The following CIT variants were observed in gnomAD, a reference collection of about 807,000 sequenced individuals.
CIT encodes citron Rho-interacting kinase.
In CIT, 79 loss-of-function variants were observed where a neutral mutation model predicts 272.7. The ratio of observed to expected loss-of-function variants is 0.29; its 90% CI spans 0.24 to 0.35. The LOEUF (loss-of-function observed/expected upper bound fraction) is 0.35. Among genes scored for constraint, CIT ranks in the 10% least tolerant of loss-of-function variants. The pLI is 1.00. For synonymous variants in CIT, 948 were observed against 995.6 expected (o/e 0.95, Z 0.90); for missense variants, 1,909 against 2,618.3 (o/e 0.73, Z 5.91).
chr12:119,737,930 A>T (rs1447340517), intron 24 of CIT, among the ~76,000 whole-genome samples: 1 of 152,218 alleles, frequency 6.6e-6, no homozygotes. Context: ...CACATACGTT[A>T]CTGAGTTTAC....
Position 119,698,938 on chromosome 12 carries a change from T to C in CIT, c.5624-884A>G, listed in dbSNP as rs745699928. Reference sequence around the variant, plus strand: ...CCTTTTAAAACTGATTGTAAACATCTTCAAAGAATTCAATTTTTAAAAAGA... The same window carrying C: ...CCTTTTAAAACTGATTGTAAACATCCTCAAAGAATTCAATTTTTAAAAAGA... On this transcript the variant is annotated intron_variant, in intron 44 of 47. Transcript: ENST00000392521. Among the ~76,000 whole-genome samples the C allele has an allele frequency of 1.8e-4, 27 of 152,246 alleles. No homozygotes were observed. In the East Asian group the frequency reaches 4.1e-3, roughly 23 times the overall value.
At position 119,710,827 on chromosome 12, in the gene CIT, T is replaced by C; in HGVS notation, c.4855-207A>G. On this transcript the variant is annotated intron_variant, in intron 37 of 47. Coordinates refer to ENST00000392521, the MANE Select transcript of CIT (RefSeq NM_001206999.2). This position sits in a 1 kb window ranked among gnomAD's most constrained non-coding sequence, Gnocchi z 5.6. The stretch of plus-strand genomic sequence containing the variant: ...GTGCTATTGGTATCTCTGGGGCAGC[T>C]GTTAATTAGCATCTGAGTTATAATT... 1.5e-6 allele frequency: 1 copy of C among 647,032 alleles called. No homozygotes were observed. Among genetic ancestry groups the C allele is most frequent in the Non-Finnish European group, 2.6e-6 (1 of 378,720 alleles). The allele number at this position is 647,032 out of a possible 1,614,324, so 40.1% of individuals were successfully genotyped here. A position where few individuals can be genotyped will look rare whatever the true frequency, so the allele number is the denominator to read the frequency against.
chr12:119,689,667 T>A (rs1051801339), intron 47 of CIT, among the ~76,000 whole-genome samples: 2 of 46,440 alleles, frequency 4.3e-5, no homozygotes, highest in African/African-American at 1.4e-4. Flanking sequence ...TAGGAAGCTC[T>A]TTTTTTTTTT....
intron 4 of CIT, among the ~76,000 whole-genome samples, chr12:119,856,811 A>G (rs1038671420): frequency 6.6e-5 from 10 of 152,166 alleles, no homozygotes; most frequent in Non-Finnish European, 1.2e-4. Context: ...CCACTTTCCA[A>G]GGTTGTTTTT....
At chr12:119,856,457 A>C (rs1950173040) in intron 4 of CIT, among the ~76,000 whole-genome samples, 1 of 152,118 alleles carries the variant, frequency 6.6e-6, no homozygotes, top group South Asian at 2.1e-4. Context: ...TTTTAAAAAA[A>C]GGTTCTTGAG....
intron 9 of CIT, among the ~76,000 whole-genome samples, chr12:119,815,913 C>T (rs1967140999): frequency 6.6e-6 from 1 of 152,078 alleles, no homozygotes; most frequent in African/African-American, 2.4e-5. Context: ...TGTGAATTTT[C>T]TGCTATGGGC....
intron 1 of CIT, among the ~76,000 whole-genome samples, chr12:119,876,459 C>T (rs1323077945): frequency 6.6e-6 from 1 of 152,188 alleles, no homozygotes; most frequent in Non-Finnish European, 1.5e-5. Context: ...TGTTTGCCCC[C>T]ATGCAGTGGG....
chr12:119,776,903 G>A, intron 13 of CIT, 61 bp from the exon 14 acceptor site: 7 of 1,544,910 alleles, frequency 4.5e-6, no homozygotes, highest in Non-Finnish European at 6.2e-6. Flanking sequence ...TAGACAGGCA[G>A]TGAGGATGGA....
chr12:119,865,609 C>A (rs991318771), intron 3 of CIT, among the ~76,000 whole-genome samples: 6 of 152,192 alleles, frequency 3.9e-5, no homozygotes, highest in African/African-American at 1.4e-4. Context: ...GTGGCTCATG[C>A]CTGTAATTCC....
In CIT at chr12:119,718,497, G is replaced by A. The variant is rs1957659401; in HGVS notation, c.4004-88C>T. 6.6e-7 allele frequency: 1 copy of A among 1,509,620 alleles called. No individual in the cohort carries two copies. The highest frequency in any genetic ancestry group is 2.3e-5 in the East Asian group (1 of 44,036). The allele number at this position is 1,509,620 out of a possible 1,614,324, so 93.5% of individuals were successfully genotyped here. ...CGAATGTCCCTGGGCTATCTTTCAAGGACCCAAGACCAAAAGAATATGCGT... is the reference window on the plus strand; with the variant it reads ...CGAATGTCCCTGGGCTATCTTTCAAAGACCCAAGACCAAAAGAATATGCGT... On this transcript the variant is annotated intron_variant, in intron 31 of 47. Coordinates refer to ENST00000392521, the MANE Select transcript of CIT (RefSeq NM_001206999.2). This position sits in a 1 kb window ranked among gnomAD's most constrained non-coding sequence, Gnocchi z 4.8.
intron 7 of CIT, among the ~76,000 whole-genome samples, chr12:119,825,709 G>A (rs1968109422): frequency 6.6e-6 from 1 of 152,192 alleles, no homozygotes; most frequent in Non-Finnish European, 1.5e-5. Context: ...CTTCTCTTAT[G>A]ATAACAGCAA....
At chr12:119,756,757 G>A (rs992087291) in intron 22 of CIT, among the ~76,000 whole-genome samples, 4 of 151,922 alleles carry the variant, frequency 2.6e-5, no homozygotes, top group Non-Finnish European at 2.9e-5. Flanking sequence ...TTTTCCTTTC[G>A]ATCCAGCTCT....
chr12:119,809,809 T>C (rs1320078391), intron 9 of CIT, among the ~76,000 whole-genome samples: 1 of 152,232 alleles, frequency 6.6e-6, no homozygotes, highest in African/African-American at 2.4e-5. Context: ...GATTAGATCA[T>C]AGCCTTTTCG....
intron 16 of CIT, among the ~76,000 whole-genome samples, chr12:119,774,319 A>G (rs375005702): frequency 3.7e-4 from 56 of 152,200 alleles, no homozygotes; most frequent in Admixed American, 1.1e-3. Context: ...AAAAAAGAAG[A>G]AGGAGGAGGA....
rs1955865969 is a variant in CIT at position 119,690,295 on chromosome 12, A to G, written c.6042T>C (p.Pro2014=). 5 of 1,588,578 alleles carry G rather than the reference A, an allele frequency of 3.1e-6. No individual in the cohort carries two copies. Among genetic ancestry groups the G allele is most frequent in the Non-Finnish European group, 4.3e-6 (5 of 1,175,422 alleles). ...ACTTCTCTCGCTCCAGGGGGCGGCC[A>G]GGAGACTTGTCCCTGCGCAGCTCGG... ...GRTELRRDKS[P]GRPLEREKSP... is the part of the protein sequence containing the mutation. Residue 2014 remains proline (P), a synonymous_variant, in exon 47 of 48, where the codon CCT becomes CCC. Transcript: ENST00000392521. The surrounding 1 kb of genome is among the most constrained non-coding windows in gnomAD (Gnocchi z 6.0).
chr12:119,731,875 G>A (rs1375203134), intron 26 of CIT, among the ~76,000 whole-genome samples: 11 of 142,934 alleles, frequency 7.7e-5, no homozygotes, highest in South Asian at 4.4e-4. Flanking sequence ...CCACTCTGTC[G>A]CCCAGGCTGG....
At chr12:119,767,038 A>C in intron 19 of CIT, 49 bp downstream of exon 19, 1 of 1,403,952 alleles carries the variant, frequency 7.1e-7, no homozygotes, top group Non-Finnish European at 9.8e-7. Context: ...GATGGGAGCT[A>C]CATGGTACTA....
intron 5 of CIT, among the ~76,000 whole-genome samples, chr12:119,843,973 C>A (rs1969602086): frequency 6.6e-6 from 1 of 151,676 alleles, no homozygotes; most frequent in Admixed American, 6.6e-5. Context: ...GAATGGGTTT[C>A]CAGATTCAGA....
intron 32 of CIT, 25 bp from the exon 33 acceptor site, chr12:119,714,359 C>T: frequency 6.2e-7 from 1 of 1,612,704 alleles, no homozygotes; most frequent in Non-Finnish European, 8.5e-7. Context: ...TTTAAAAAAT[C>T]ATTAGAGTAC....
Sources: allele counts gnomAD v4.1 joint callset (sites outside exome capture counted in the v4.1 genomes callset), GRCh38; gene constraint gnomAD v4.1.1; non-coding constraint Gnocchi (gnomAD v3.1); transcripts MANE v1.5; gene names NCBI Gene and HGNC (gene_info 2026-07-23, HGNC 2026-07-21).